The following ZNF525 variants were observed in gnomAD, a reference collection of about 807,000 sequenced individuals.
ZNF525 encodes the protein zinc finger protein 525.
ZNF525 carries 33 observed loss-of-function variants against 37.6 expected under a neutral mutation model. The ratio of observed to expected loss-of-function variants is 0.88; its 90% CI spans 0.67 to 1.17. The LOEUF is 1.17. ZNF525 is among the 50% of genes most tolerant of loss of function. The probability of loss-of-function intolerance (pLI) is 0.00; values close to 1 mark genes in which losing one functional copy is unlikely to be tolerated. For missense variants in ZNF525, 449 were observed against 543.1 expected (o/e 0.83, Z 1.72); for synonymous variants, 170 against 182.3 (o/e 0.93, Z 0.54).
intron 2 of ZNF525, among the ~76,000 whole-genome samples, chr19:53,373,164 C>G (rs1342641554): frequency 6.6e-6 from 1 of 152,060 alleles, no homozygotes; most frequent in East Asian, 1.9e-4. Flanking sequence ...ATGATCTTGG[C>G]TCATGGCAAC....
At chr19:53,377,955 A>G (rs935248316) in intron 3 of ZNF525, among the ~76,000 whole-genome samples, 1 of 152,188 alleles carries the variant, frequency 6.6e-6, no homozygotes, top group Non-Finnish European at 1.5e-5. Flanking sequence ...GTTTAATTAG[A>G]TTTGTCAGCC....
At chr19:53,377,527 T>C (rs2085530772) in intron 3 of ZNF525, among the ~76,000 whole-genome samples, 1 of 151,868 alleles carries the variant, frequency 6.6e-6, no homozygotes, top group Non-Finnish European at 1.5e-5. Context: ...TATTTGTGGG[T>C]TGGAGTTACT....
chr19:53,382,196 A>G lies in ZNF525; in HGVS notation c.*177A>G. On this transcript the variant is annotated 3_prime_UTR_variant, in exon 4 of 4. Transcript: ENST00000474037. ...CTTTCAGTTTCAAATCAAACCTTGA[A>G]AGACATAGGAGAATTCACACTGGTG... 1 of 1,592,792 alleles carries G rather than the reference A, an allele frequency of 6.3e-7. No homozygotes were observed. The highest frequency in any genetic ancestry group is 1.7e-5 in the Admixed American group (1 of 59,932).
intron 3 of ZNF525, chr19:53,376,406 T>C (rs1342505819): frequency 3.1e-6 from 2 of 649,464 alleles, no homozygotes; most frequent in Non-Finnish European, 5.5e-6. Flanking sequence ...CAGAAGACCT[T>C]ACCATTGCCT....
intron 2 of ZNF525, among the ~76,000 whole-genome samples, chr19:53,373,763 A>G (rs1172535004): frequency 6.6e-6 from 1 of 151,856 alleles, no homozygotes; most frequent in Non-Finnish European, 1.5e-5. Flanking sequence ...CGGAGGTTGC[A>G]GTGAGATGAG....
In ZNF525 at chr19:53,383,278, C is replaced by G. The variant is rs1449551930; in HGVS notation, c.*1259C>G. On this transcript the variant is annotated 3_prime_UTR_variant, in exon 4 of 4. Coordinates refer to ENST00000474037, the MANE Select transcript of ZNF525 (RefSeq NM_001348156.2). ...GCAAAACCTTCCATCACAATTCAGT[C>G]CTTGTAATTCATAAAACAATTCATA... 1 of 1,422,196 alleles carries G rather than the reference C, an allele frequency of 7.0e-7. No homozygotes were observed. The highest frequency in any genetic ancestry group is 1.8e-5 in the Admixed American group (1 of 54,818). 88.1% of individuals were successfully genotyped at this position (1,422,196 alleles called of 1,614,324 possible).
chr19:53,369,067 A>G (rs1457949935), intron 1 of ZNF525, among the ~76,000 whole-genome samples: 3 of 152,336 alleles, frequency 2.0e-5, no homozygotes, highest in African/African-American at 7.2e-5. Flanking sequence ...GACAAGCATC[A>G]AAATACAGAG....
chr19:53,381,985 G>A lies in ZNF525; in HGVS notation c.1406G>A (p.Cys469Tyr). Residue 469 changes from cysteine (C) to tyrosine (Y), a missense_variant, in exon 4 of 4, where the codon TGT becomes TAT. Transcript: ENST00000474037. ...RLHSGEKPCK[C>Y]GECDKAYSFK ...CATAGTGGAGAGAAACCTTGCAAGT[G>A]TGGAGAATGTGACAAGGCTTACAGT... The A allele has an allele frequency of 1.8e-6, 2 of 1,106,106 alleles. No individual in the cohort carries two copies. Among genetic ancestry groups the A allele is most frequent in the Non-Finnish European group, 2.8e-6 (2 of 722,966 alleles). 68.5% of individuals were successfully genotyped at this position (1,106,106 alleles called of 1,614,324 possible).
In ZNF525 at chr19:53,383,533, A is replaced by G. The variant is rs1343979982; in HGVS notation, c.*1514A>G. On this transcript the variant is annotated 3_prime_UTR_variant, in exon 4 of 4. Coordinates refer to ENST00000474037, the MANE Select transcript of ZNF525 (RefSeq NM_001348156.2). ...TCGGACGTGATTCACACCTGGCACA[A>G]CATCCCAGAGTTCACACTGGAGAGA... 10 of 1,318,336 alleles carry G rather than the reference A, an allele frequency of 7.6e-6. No homozygotes were observed. The highest frequency in any genetic ancestry group is 9.4e-6 in the Non-Finnish European group (9 of 954,008). 81.7% of individuals were successfully genotyped at this position (1,318,336 alleles called of 1,614,324 possible).
At chr19:53,366,509 G>A (rs1370600470) in intron 1 of ZNF525, among the ~76,000 whole-genome samples, 3 of 150,596 alleles carry the variant, frequency 2.0e-5, no homozygotes, top group Non-Finnish European at 3.0e-5. Flanking sequence ...GTAGAGGATG[G>A]GTGAGGGATT....
At chr19:53,366,894 G>A (rs1193036511) in intron 1 of ZNF525, among the ~76,000 whole-genome samples, 13 of 152,122 alleles carry the variant, frequency 8.5e-5, no homozygotes. Flanking sequence ...ACTGATATGG[G>A]GGAGACAGGA....
rs1450670179 is a variant in ZNF525 at position 53,375,809 on chromosome 19, CAGG to C, written c.61_63del (p.Glu21del). The stretch of plus-strand genomic sequence containing the variant: ...CAGGGATGTGGCCATAGAATTCTCT[CAGG>C]AGGAGTGGAAATGCCTGGACCCTGC... On this transcript the variant is annotated inframe_deletion, in exon 3 of 4. Coordinates refer to ENST00000474037, the MANE Select transcript of ZNF525 (RefSeq NM_001348156.2). 2 of 1,613,920 alleles carry C rather than the reference CAGG, an allele frequency of 1.2e-6. No homozygotes were observed. Among genetic ancestry groups the C allele is most frequent in the African/African-American group, 1.3e-5 (1 of 75,004 alleles).
intron 3 of ZNF525, among the ~76,000 whole-genome samples, chr19:53,377,619 A>G (rs1281802127): frequency 1.3e-5 from 2 of 150,418 alleles, no homozygotes; most frequent in Non-Finnish European, 3.0e-5. Flanking sequence ...CAGTGGCACA[A>G]TCTTGGCTAA....
rs1389744715 is a variant in ZNF525 at position 53,384,856 on chromosome 19, T to C, written c.*2837T>C. ...AAGGGGTGAGAGCATTCTTGCATCA[T>C]GTGAGATCGTACAGGAAAGCATTCC... is the stretch of plus-strand genomic sequence containing the variant. On this transcript the variant is annotated 3_prime_UTR_variant, in exon 4 of 4. Transcript: ENST00000474037. 4.5e-6 allele frequency: 3 copies of C among 668,434 alleles called. No individual in the cohort carries two copies. Among genetic ancestry groups the C allele is most frequent in the African/African-American group, 1.8e-5 (1 of 55,946 alleles). The allele number at this position is 668,434 out of a possible 1,614,324, so 41.4% of individuals were successfully genotyped here. A position where few individuals can be genotyped will look rare whatever the true frequency, so the allele number is the denominator to read the frequency against.
Position 53,385,189 on chromosome 19 carries a change from G to A in ZNF525, c.*3170G>A. ...GTTTTCTAGGACAAGGGATCTTCAA[G>A]AAGTTCTGGAAAAATACATATTATG... On this transcript the variant is annotated 3_prime_UTR_variant, in exon 4 of 4. Coordinates refer to ENST00000474037, the MANE Select transcript of ZNF525 (RefSeq NM_001348156.2). The A allele has an allele frequency of 2.0e-6, 1 of 498,542 alleles. No individual in the cohort carries two copies. The highest frequency in any genetic ancestry group is 3.0e-5 in the South Asian group (1 of 33,440). 30.9% of individuals were successfully genotyped at this position (498,542 alleles called of 1,614,324 possible). A position where few individuals can be genotyped will look rare whatever the true frequency, so the allele number is the denominator to read the frequency against.
chr19:53,371,577 C>T (rs984920707), intron 1 of ZNF525, among the ~76,000 whole-genome samples: 14 of 152,064 alleles, frequency 9.2e-5, no homozygotes, highest in African/African-American at 2.7e-4. Context: ...CCATGTTGAC[C>T]ATGCTGGTCT....
At chr19:53,371,404 T>C (rs2147065541) in intron 1 of ZNF525, among the ~76,000 whole-genome samples, 1 of 151,994 alleles carries the variant, frequency 6.6e-6, no homozygotes, top group Non-Finnish European at 1.5e-5. Context: ...TTGAGTCTCA[T>C]TCTGTCACCC....
chr19:53,372,839 G>A (rs956740823), intron 2 of ZNF525, among the ~76,000 whole-genome samples: 1 of 152,110 alleles, frequency 6.6e-6, no homozygotes, highest in Non-Finnish European at 1.5e-5. Flanking sequence ...GATACAAGAT[G>A]TTTGATTCCA....
At chr19:53,370,830 A>G (rs543067458) in intron 1 of ZNF525, among the ~76,000 whole-genome samples, 31 of 152,328 alleles carry the variant, frequency 2.0e-4, no homozygotes, top group Admixed American at 1.4e-3. Context: ...GGAACCCTCC[A>G]CCGGCTTCCC....
Sources: gnomAD v4.1 joint callset for allele counts (sites outside exome capture counted in the v4.1 genomes callset) on GRCh38, gnomAD v4.1.1 for gene constraint, MANE v1.5 for transcripts, NCBI Gene and HGNC (gene_info 2026-07-23, HGNC 2026-07-21) for gene names.